KLHL32: variants seen among roughly 807,000 people sequenced by gnomAD.
KLHL32 encodes the protein kelch like family member 32, also known as kelch-like protein 32.
A neutral mutation model predicts 64.8 loss-of-function variants in KLHL32; 35 were observed. The ratio of observed to expected loss-of-function variants is 0.54; its 90% CI spans 0.41 to 0.72. KLHL32 has a LOEUF of 0.72. Ranked by LOEUF, KLHL32 falls within the 30% of genes least tolerant of loss-of-function variation. The pLI is 0.00. For missense variants in KLHL32, 589 were observed against 768.5 expected (o/e 0.77, Z 2.76); for synonymous variants, 259 against 281.0 (o/e 0.92, Z 0.78).
chr6:96,934,456 C>CA (rs1237910877), intron 1 of KLHL32, among the ~76,000 whole-genome samples: 8 of 148,168 alleles, frequency 5.4e-5, no homozygotes, highest in Non-Finnish European at 9.0e-5. Flanking sequence ...TTAACAACAA[C>CA]AACAAAAAAA....
intron 3 of KLHL32, among the ~76,000 whole-genome samples, chr6:97,026,802 A>G (rs1180596465): frequency 6.6e-6 from 1 of 152,206 alleles, no homozygotes; most frequent in East Asian, 1.9e-4. Context: ...AGACTAAGAT[A>G]ATAAGTGATA....
Position 96,985,993 on chromosome 6 carries a change from C to G in KLHL32, c.204+9816C>G, listed in dbSNP as rs1418754398. Among the ~76,000 whole-genome samples the G allele has an allele frequency of 2.6e-5, 4 of 152,090 alleles. No individual in the cohort carries two copies. The East Asian group carries it at 7.7e-4, about 29-fold the overall frequency. On this transcript the variant is annotated intron_variant, in intron 3 of 10. Transcript: ENST00000369261. ...CTTCTCTGCTCTGTTTTTTCCCTAT[C>G]TTTGTGGATTTATCTACCTTTGGTC...
At chr6:97,064,753 C>G (rs768781893) in intron 5 of KLHL32, 27 bp downstream of exon 5, 2 of 1,533,418 alleles carry the variant, frequency 1.3e-6, no homozygotes, top group Non-Finnish European at 1.8e-6. Context: ...CCTGCTCATA[C>G]ACCCTTCACA....
chr6:96,935,572 C>T (rs1770494662), intron 1 of KLHL32, among the ~76,000 whole-genome samples: 1 of 152,130 alleles, frequency 6.6e-6, no homozygotes, highest in Non-Finnish European at 1.5e-5. Context: ...CTTGCAGCCT[C>T]ATTAGGTGGT....
intron 7 of KLHL32, among the ~76,000 whole-genome samples, chr6:97,124,995 T>C (rs1369796974): frequency 6.6e-6 from 1 of 152,198 alleles, no homozygotes; most frequent in Non-Finnish European, 1.5e-5. Flanking sequence ...TGTTTTCCTT[T>C]CCTCTGATTT....
intron 2 of KLHL32, among the ~76,000 whole-genome samples, chr6:96,969,997 G>A (rs1774932931): frequency 6.6e-6 from 1 of 152,102 alleles, no homozygotes; most frequent in Admixed American, 6.6e-5. Context: ...AGTTGTATAA[G>A]CCAGAAATAT....
upstream of KLHL32, among the ~76,000 whole-genome samples, chr6:96,919,729 TAAA>T (rs1768692534): frequency 6.6e-6 from 1 of 152,092 alleles, no homozygotes; most frequent in Non-Finnish European, 1.5e-5. Context: ...ATGCTCATCA[TAAA>T]AATAATAAAC....
At chr6:97,136,381 CAGA>C (rs1800016048) in intron 10 of KLHL32, among the ~76,000 whole-genome samples, 1 of 152,192 alleles carries the variant, frequency 6.6e-6, no homozygotes, top group African/African-American at 2.4e-5. Context: ...ATTTATCCAT[CAGA>C]AGGACAACCC....
At chr6:97,057,613 ATCTT>A (rs58159815) in intron 4 of KLHL32, among the ~76,000 whole-genome samples, 15,898 of 148,794 alleles carry the variant, frequency 0.11, 1,541 homozygotes, top group Admixed American at 0.23. Context: ...GAGTGTTAAG[ATCTT>A]GTTTTTTGAT....
At chr6:96,958,838 A>G (rs893917476) in intron 1 of KLHL32, among the ~76,000 whole-genome samples, 5 of 146,246 alleles carry the variant, frequency 3.4e-5, no homozygotes, top group Admixed American at 1.4e-4. Flanking sequence ...GGAAAAAAAA[A>G]TCACCCTAAG....
rs1048559490 is a variant in KLHL32, at chr6:96,932,751, G to T, written c.-66+7725G>T. 4.6e-5 allele frequency among the ~76,000 whole-genome samples: 7 copies of T among 151,912 alleles called. No homozygotes were observed. The East Asian group carries it at 7.8e-4, about 17-fold the overall frequency. ...CCAGCTAATTTTTAAAAATTTTTTT[G>T]TAGAGATGGGTGTCTCACTATGTTT... On this transcript the variant is annotated intron_variant, in intron 1 of 10. Coordinates refer to ENST00000369261, the MANE Select transcript of KLHL32 (RefSeq NM_052904.4).
chr6:97,077,981 GA>G (rs1368956952), intron 5 of KLHL32, among the ~76,000 whole-genome samples: 1 of 152,144 alleles, frequency 6.6e-6, no homozygotes, highest in Non-Finnish European at 1.5e-5. Flanking sequence ...ATGTGTATGT[GA>G]TAGGAAACTT....
chr6:96,965,281 A>G (rs1774331910), intron 1 of KLHL32, among the ~76,000 whole-genome samples: 1 of 152,164 alleles, frequency 6.6e-6, no homozygotes, highest in Admixed American at 6.5e-5. Flanking sequence ...TTCACGTTTA[A>G]AATGGTGTCC....
chr6:97,132,519 T>TA (rs1799542460), intron 9 of KLHL32, 134 bp from the exon 10 acceptor site: 1 of 642,640 alleles, frequency 1.6e-6, no homozygotes. Flanking sequence ...AGGCAGTGAT[T>TA]AGTTGCTGCA....
chr6:97,026,213 AG>A (rs763353857), intron 3 of KLHL32, among the ~76,000 whole-genome samples: 1 of 152,128 alleles, frequency 6.6e-6, no homozygotes, highest in Non-Finnish European at 1.5e-5. Flanking sequence ...TATAAGATGT[AG>A]AGACTTTGTG....
chr6:97,077,797 A>G (rs1791839074), intron 5 of KLHL32, among the ~76,000 whole-genome samples: 2 of 152,024 alleles, frequency 1.3e-5, no homozygotes, highest in African/African-American at 4.8e-5. Context: ...CTTTTTTTTC[A>G]TTCTTGATCC....
rs113310280 is a variant in KLHL32 at position 96,981,007 on chromosome 6, CG to C, written c.204+4837del. On this transcript the variant is annotated intron_variant, in intron 3 of 10. Coordinates refer to ENST00000369261, the MANE Select transcript of KLHL32 (RefSeq NM_052904.4). ...AGAAGTGCAGAGCAAAGTGGTGGGGCGGGGGGGCAGGCGGGGGAAAAGCCCC... is the reference window on the plus strand; with the variant it reads ...AGAAGTGCAGAGCAAAGTGGTGGGGCGGGGGGCAGGCGGGGGAAAAGCCCC... Among the ~76,000 whole-genome samples the C allele has an allele frequency of 3.3e-3, 295 of 89,162 alleles. 2 individuals carry two copies. Among genetic ancestry groups the C allele is most frequent in the African/African-American group, 0.012 (288 of 23,184 alleles). The allele number at this position is 89,162 out of a possible 152,430, so 58.5% of individuals were successfully genotyped here.
At chr6:97,016,546 C>T (rs180689834) in intron 3 of KLHL32, among the ~76,000 whole-genome samples, 19 of 152,312 alleles carry the variant, frequency 1.2e-4, no homozygotes, top group Admixed American at 7.8e-4. Flanking sequence ...AAGTAACTAA[C>T]TTGCTTTTGA....
intron 3 of KLHL32, among the ~76,000 whole-genome samples, chr6:97,015,123 G>A (rs1327356722): frequency 1.3e-5 from 2 of 152,138 alleles, no homozygotes; most frequent in African/African-American, 4.8e-5. Context: ...ATGATTGTAA[G>A]TTTCCTGAGG....
Sources: allele counts gnomAD v4.1 joint callset (sites outside exome capture counted in the v4.1 genomes callset), GRCh38; gene constraint gnomAD v4.1.1; transcripts MANE v1.5; gene names NCBI Gene and HGNC (gene_info 2026-07-23, HGNC 2026-07-21).